Variants in TJP1 observed in about 807,000 individuals in gnomAD.
The protein encoded by TJP1 is tight junction protein ZO-1.
TJP1 carries 43 observed loss-of-function variants against 194.2 expected under a neutral mutation model. The observed-to-expected ratio is 0.22, with a 90% CI of 0.17 to 0.29. TJP1 has a LOEUF of 0.29. Among genes scored for constraint, TJP1 ranks in the 10% least tolerant of loss-of-function variants. The pLI is 1.00. For synonymous variants in TJP1, 801 were observed against 779.0 expected (o/e 1.03, Z -0.47); for missense variants, 1,971 against 2,185.7 (o/e 0.90, Z 1.96).
chr15:29,783,995 G>A (rs891751210), intron 2 of TJP1, among the ~76,000 whole-genome samples: 2 of 151,880 alleles, frequency 1.3e-5, no homozygotes, highest in African/African-American at 4.8e-5. Context: ...AAAAAAGAAC[G>A]CCAGAGATTT....
At chr15:29,943,007 C>G (rs537291033) in intron 2 of TJP1, among the ~76,000 whole-genome samples, 174 of 152,262 alleles carry the variant, frequency 1.1e-3, no homozygotes, top group African/African-American at 4.1e-3. Flanking sequence ...ACAAACTACC[C>G]TGGCCTGTGC....
Position 29,719,848 on chromosome 15 carries a change from T to C in TJP1, c.2932A>G (p.Ser978Gly), listed in dbSNP as rs1231146828. The change falls in exon 20 of 28, where the codon AGT becomes GGT. Residue 978 changes from serine to glycine, a missense_variant. By Grantham distance (56) the Ser-to-Gly change is moderately conservative. Around this residue, in one of 5 missense-constraint regions of TJP1, gnomAD observed 1,108 missense variants for 1,128.5 expected, o/e 0.98. Coordinates refer to ENST00000614355, the MANE Select transcript of TJP1 (RefSeq NM_001330239.4). ...SPQADSLRTP[S>G]TEAAHIMLRD... ...AGCATTATGTGAGCTGCCTCAGTAC[T>C]TGGTGTTCTTAAAGAATCAGCTTGT... The C allele has an allele frequency of 1.9e-6, 3 of 1,614,172 alleles. No homozygotes were observed. The highest frequency in any genetic ancestry group is 1.7e-5 in the Admixed American group (1 of 60,028).
intron 2 of TJP1, among the ~76,000 whole-genome samples, chr15:29,851,824 C>A (rs1231860585): frequency 6.6e-6 from 1 of 152,178 alleles, no homozygotes; most frequent in Non-Finnish European, 1.5e-5. Flanking sequence ...CTGCCTTCTA[C>A]CTATATCATA....
chr15:29,776,459 T>G (rs1157710919), intron 2 of TJP1, among the ~76,000 whole-genome samples: 1 of 152,212 alleles, frequency 6.6e-6, no homozygotes, highest in Non-Finnish European at 1.5e-5. Context: ...AAAGAAGAGT[T>G]ATTTTAGTAG....
At chr15:29,781,225 G>C (rs1488770824) in intron 2 of TJP1, among the ~76,000 whole-genome samples, 1 of 152,134 alleles carries the variant, frequency 6.6e-6, no homozygotes, top group East Asian at 1.9e-4. Flanking sequence ...AAATCTAGAA[G>C]AAACTGATAA....
intron 2 of TJP1, among the ~76,000 whole-genome samples, chr15:29,936,931 C>G (rs970762445): frequency 6.6e-6 from 1 of 152,160 alleles, no homozygotes; most frequent in Non-Finnish European, 1.5e-5. Context: ...TTTCTTGTTT[C>G]CTTTCATTTC....
At chr15:29,927,109 C>G (rs2054550618) in intron 2 of TJP1, among the ~76,000 whole-genome samples, 1 of 152,278 alleles carries the variant, frequency 6.6e-6, no homozygotes, top group East Asian at 1.9e-4. Flanking sequence ...CACCTGAGGT[C>G]AAGAGTTCAA....
At chr15:29,872,846 A>G (rs62014488) in intron 2 of TJP1, among the ~76,000 whole-genome samples, 11,440 of 152,228 alleles carry the variant, frequency 0.075, 547 homozygotes, top group Non-Finnish European at 0.11. Context: ...ACTCTGAGTG[A>G]GTCTCACAGG....
At chr15:29,789,286 C>T (rs1567031194) in intron 2 of TJP1, among the ~76,000 whole-genome samples, 1 of 152,054 alleles carries the variant, frequency 6.6e-6, no homozygotes, top group African/African-American at 2.4e-5. Context: ...AACTAGGTAC[C>T]AAGCACTAAG....
In TJP1 at chr15:29,806,200, C is replaced by A. The variant is rs2049100092; in HGVS notation, c.28-5498G>T. ...TTCAAAATGGCTCTTGAGTAGTCAACCAAGTAGCAGTGCTGAAGTCAAAAG... is the reference window on the plus strand; with the variant it reads ...TTCAAAATGGCTCTTGAGTAGTCAAACAAGTAGCAGTGCTGAAGTCAAAAG... On this transcript the variant is annotated intron_variant, in intron 1 of 27. Transcript: ENST00000614355. 2.0e-5 allele frequency among the ~76,000 whole-genome samples: 3 copies of A among 152,078 alleles called. No homozygotes were observed. The South Asian group carries it at 6.2e-4, about 32-fold the overall frequency.
chr15:29,877,997 G>T (rs113908930), intron 2 of TJP1, among the ~76,000 whole-genome samples: 2,743 of 151,438 alleles, frequency 0.018, 85 homozygotes, highest in African/African-American at 0.063. Flanking sequence ...CAAATACTTT[G>T]ACTTTTTAAA....
chr15:29,728,023 T>C lies in TJP1; in HGVS notation c.2018-4A>G, dbSNP rs766761562. 1.2e-6 allele frequency: 2 copies of C among 1,613,790 alleles called. No homozygotes were observed. Among genetic ancestry groups the C allele is most frequent in the East Asian group, 4.5e-5 (2 of 44,876 alleles). ...CCAGCGTCTCGTGGTTCACTCTCTA[T>C]TCATTATGTCAGGACAAAAATAAGA... On this transcript the variant is annotated splice_region_variant and splice_polypyrimidine_tract_variant and intron_variant, in intron 15 of 27. Transcript: ENST00000614355.
intron 2 of TJP1, among the ~76,000 whole-genome samples, chr15:29,853,090 G>C (rs2051708188): frequency 6.6e-6 from 1 of 152,138 alleles, no homozygotes; most frequent in Admixed American, 6.5e-5. Context: ...ATTGATACAT[G>C]CAACAACTTG....
Position 29,718,639 on chromosome 15 carries a change from T to G in TJP1, c.3503A>C (p.His1168Pro), listed in dbSNP as rs754335765. The G allele has an allele frequency of 2.5e-6, 4 of 1,614,034 alleles. No individual in the cohort carries two copies. In the East Asian group the frequency reaches 8.9e-5, roughly 36 times the overall value. ...CTGGGCTTCCGGTCTGAGTCTACCA[T>G]GTGTGTCATACCCAGGAGCTGGCTG... The part of the protein sequence containing the change: ...EEQPAPGYDT[H>P]GRLRPEAQPH... The change falls in exon 21 of 28, where the codon CAT (histidine) becomes CCT (proline). Residue 1168 changes from histidine (H) to proline (P), a missense_variant. Physicochemically the swap from His to Pro is moderately conservative, Grantham distance 77 (BLOSUM62 -2). Coordinates refer to ENST00000614355, the MANE Select transcript of TJP1 (RefSeq NM_001330239.4).
rs1345080235 is a variant in TJP1, at chr15:29,704,143, C to T, written c.5212+19G>A. On this transcript the variant is annotated intron_variant, in intron 27 of 27. Coordinates refer to ENST00000614355, the MANE Select transcript of TJP1 (RefSeq NM_001330239.4). Reference sequence around the variant, plus strand: ...GACAGTCCCCAAAGCTCCCAAAGGACAGAGTGAAGACAGCATACCCGACGA... The same window carrying T: ...GACAGTCCCCAAAGCTCCCAAAGGATAGAGTGAAGACAGCATACCCGACGA... 5 of 1,549,928 alleles carry T rather than the reference C, an allele frequency of 3.2e-6. No homozygotes were observed. The highest frequency in any genetic ancestry group is 1.4e-5 in the African/African-American group (1 of 73,130).
At chr15:29,727,107 G>T in intron 16 of TJP1, 116 bp from the exon 17 acceptor site, 3 of 841,236 alleles carry the variant, frequency 3.6e-6, no homozygotes, top group Non-Finnish European at 5.5e-6. Context: ...ACTTTGGGAG[G>T]TCGAGGTGGG....
chr15:29,821,633 A>G (rs2050356189), intron 1 of TJP1: 1 of 152,292 alleles, frequency 6.6e-6, no homozygotes, highest in Non-Finnish European at 1.5e-5. Context: ...CGACCCGCTG[A>G]GAGCCGGCTT....
Position 29,716,766 on chromosome 15 carries a change from T to C in TJP1, c.4047A>G (p.Glu1349=), listed in dbSNP as rs763326080. 1.9e-6 allele frequency: 3 copies of C among 1,614,170 alleles called. No individual in the cohort carries two copies. The highest frequency in any genetic ancestry group is 2.5e-6 in the Non-Finnish European group (3 of 1,180,012). Residue 1349 remains glutamate, a synonymous_variant, in exon 23 of 28, where the codon GAA becomes GAG. Transcript: ENST00000614355. The stretch of plus-strand genomic sequence containing the variant: ...GTTTTCGATAATATTCTTCATCTTC[T>C]TCAGGGTCATAATGATTGGACCGAA... ...DIVRSNHYDP[E]EDEEYYRKQL...
At chr15:29,801,647 C>G (rs978826978) in intron 1 of TJP1, among the ~76,000 whole-genome samples, 3 of 151,172 alleles carry the variant, frequency 2.0e-5, no homozygotes, top group Non-Finnish European at 2.9e-5. Flanking sequence ...ATTTTTAGTA[C>G]AGACGGGGTT....
Sources: allele counts gnomAD v4.1 joint callset (sites outside exome capture counted in the v4.1 genomes callset), GRCh38; gene constraint gnomAD v4.1.1; regional missense constraint gnomAD v4.1.1; transcripts MANE v1.5; gene names NCBI Gene and HGNC (gene_info 2026-07-23, HGNC 2026-07-21).